The following KIF5C variants were observed in gnomAD, a reference collection of about 807,000 sequenced individuals.
KIF5C encodes the protein kinesin heavy chain isoform 5C.
KIF5C carries 18 observed loss-of-function variants against 125.2 expected under a neutral mutation model. The observed-to-expected ratio is 0.14, with a 90% CI of 0.10 to 0.21. The LOEUF is 0.21. Among genes scored for constraint, KIF5C ranks in the 10% least tolerant of loss-of-function variants. KIF5C has a pLI of 1.00. For missense variants in KIF5C, 780 were observed against 1,183.8 expected, an observed-to-expected ratio of 0.66 and a Z score of 5.01; for synonymous variants, 405 against 434.0, an observed-to-expected ratio of 0.93 and a Z score of 0.83.
In KIF5C at chr2:148,875,474, C is replaced by A; in HGVS notation, c.-144C>A. 1 of 666,112 alleles carries A rather than the reference C, an allele frequency of 1.5e-6. No individual in the cohort carries two copies. Among genetic ancestry groups the A allele is most frequent in the South Asian group, 1.9e-5 (1 of 52,068 alleles). The allele number at this position is 666,112 out of a possible 1,614,324, so 41.3% of individuals were successfully genotyped here. Reference sequence around the variant, plus strand: ...GGCCGGGGCTGCTCAGCCGGCCGGGCTCGCGATGACCTGCTGAGAAGCGTC... The same window carrying A: ...GGCCGGGGCTGCTCAGCCGGCCGGGATCGCGATGACCTGCTGAGAAGCGTC... On this transcript the variant is annotated 5_prime_UTR_variant, in exon 1 of 26. Transcript: ENST00000435030.
intron 24 of KIF5C, 79 bp downstream of exon 24, chr2:149,010,430 C>A: frequency 6.8e-7 from 1 of 1,465,734 alleles, no homozygotes. Context: ...AAGGTGAAGA[C>A]AGCGCTGGCC....
At chr2:148,968,425 T>C (rs572909006) in intron 11 of KIF5C, among the ~76,000 whole-genome samples, 1 of 152,354 alleles carries the variant, frequency 6.6e-6, no homozygotes, top group South Asian at 2.1e-4. Flanking sequence ...ATTTGCTCTT[T>C]TAGCATTAAA....
At chr2:148,913,857 T>C (rs190753511) in intron 1 of KIF5C, among the ~76,000 whole-genome samples, 3 of 152,112 alleles carry the variant, frequency 2.0e-5, no homozygotes, top group Admixed American at 6.5e-5. Context: ...TCCCATCCAG[T>C]GAAGAAGGTT....
chr2:148,945,647 C>T (rs1414067569), intron 7 of KIF5C, among the ~76,000 whole-genome samples: 1 of 152,028 alleles, frequency 6.6e-6, no homozygotes, highest in Admixed American at 6.6e-5. Context: ...TTTTGGTGCA[C>T]CTATCACCCG....
At chr2:148,949,040 C>T (rs1031946187) in intron 8 of KIF5C, among the ~76,000 whole-genome samples, 2 of 152,144 alleles carry the variant, frequency 1.3e-5, no homozygotes, top group African/African-American at 4.8e-5. Context: ...ATTGCTTCCC[C>T]ACTTCCTTTC....
At chr2:148,981,768 T>C (rs575138225) in intron 14 of KIF5C, among the ~76,000 whole-genome samples, 1 of 148,728 alleles carries the variant, frequency 6.7e-6, no homozygotes, top group Admixed American at 6.6e-5. Context: ...ATCATGACTG[T>C]TTTATATCCA....
intron 1 of KIF5C, among the ~76,000 whole-genome samples, chr2:148,893,861 G>T (rs1681770990): frequency 6.6e-6 from 1 of 152,240 alleles, no homozygotes; most frequent in East Asian, 1.9e-4. Context: ...GACTAAAGAA[G>T]CTGCCTACAT....
In KIF5C at chr2:149,023,129, T is replaced by C. The variant is rs1682584576; in HGVS notation, c.*59T>C. ...ACTACATTAATCACCAATTCCTTTATTTTTCCCCCCCTACAGTTTCCATTT... is the reference window on the plus strand; with the variant it reads ...ACTACATTAATCACCAATTCCTTTACTTTTCCCCCCCTACAGTTTCCATTT... On this transcript the variant is annotated 3_prime_UTR_variant, in exon 26 of 26. Coordinates refer to ENST00000435030, the MANE Select transcript of KIF5C (RefSeq NM_004522.3). 1 of 152,188 alleles carries C rather than the reference T, an allele frequency of 6.6e-6. No individual in the cohort carries two copies. The highest frequency in any genetic ancestry group is 2.4e-5 in the African/African-American group (1 of 41,448). 9.4% of individuals were successfully genotyped at this position (152,188 alleles called of 1,614,324 possible).
intron 10 of KIF5C, among the ~76,000 whole-genome samples, chr2:148,953,923 C>T (rs1033216755): frequency 1.3e-5 from 2 of 152,092 alleles, no homozygotes; most frequent in African/African-American, 4.8e-5. Flanking sequence ...GATACATGGG[C>T]AGAACATGCA....
intron 25 of KIF5C, among the ~76,000 whole-genome samples, chr2:149,012,947 G>A (rs1370298549): frequency 2.0e-5 from 3 of 152,222 alleles, no homozygotes; most frequent in African/African-American, 7.2e-5. Context: ...AGATCCAGCT[G>A]GGCAGCTTAG....
intron 15 of KIF5C, among the ~76,000 whole-genome samples, chr2:148,989,234 G>C (rs915193429): frequency 2.6e-5 from 4 of 152,034 alleles, no homozygotes; most frequent in African/African-American, 9.7e-5. Flanking sequence ...CCATTCTTGA[G>C]TTATTAATAC....
At chr2:148,914,466 T>G (rs894950262) in intron 1 of KIF5C, among the ~76,000 whole-genome samples, 1 of 152,268 alleles carries the variant, frequency 6.6e-6, no homozygotes, top group South Asian at 2.1e-4. Context: ...CTTTTGTAGC[T>G]GTCTGTGATC....
chr2:148,978,600 T>C (rs1681143751), intron 12 of KIF5C, among the ~76,000 whole-genome samples: 1 of 152,158 alleles, frequency 6.6e-6, no homozygotes, highest in Admixed American at 6.5e-5. Flanking sequence ...ACTGTTAGCA[T>C]CTTTGAATTG....
chr2:148,996,740 C>T (rs914233470), intron 17 of KIF5C, among the ~76,000 whole-genome samples: 11 of 152,278 alleles, frequency 7.2e-5, no homozygotes, highest in African/African-American at 2.4e-4. Context: ...TTCTGTTTCC[C>T]GTGTTCCCAT....
intron 23 of KIF5C, among the ~76,000 whole-genome samples, chr2:149,008,991 GT>G (rs200099380): frequency 0.048 from 6,493 of 134,238 alleles, 301 homozygotes; most frequent in African/African-American, 0.15. Context: ...TTTTTTTAAT[GT>G]TTTTTTTTTT....
chr2:148,917,638 G>A (rs993782588), intron 1 of KIF5C, among the ~76,000 whole-genome samples: 3 of 152,192 alleles, frequency 2.0e-5, no homozygotes, highest in African/African-American at 4.8e-5. Flanking sequence ...GTACTTTCAG[G>A]AATGAAATCA....
chr2:148,903,998 C>A (rs887509092), intron 1 of KIF5C, among the ~76,000 whole-genome samples: 2 of 152,132 alleles, frequency 1.3e-5, no homozygotes, highest in Non-Finnish European at 2.9e-5. Flanking sequence ...TACTGCTACT[C>A]GCCATAAAAT....
chr2:148,992,282 A>T (rs115664068), intron 16 of KIF5C, among the ~76,000 whole-genome samples: 1,723 of 152,354 alleles, frequency 0.011, 41 homozygotes, highest in African/African-American at 0.038. Flanking sequence ...TGATATATTC[A>T]TACATTGTTG....
intron 1 of KIF5C, among the ~76,000 whole-genome samples, chr2:148,877,674 C>G (rs946590679): frequency 3.9e-4 from 59 of 152,144 alleles, no homozygotes; most frequent in Non-Finnish European, 7.4e-4. Flanking sequence ...TCTGGCAACC[C>G]TATTTTTTTC....
Sources: gnomAD v4.1 joint callset for allele counts (sites outside exome capture counted in the v4.1 genomes callset) on GRCh38, gnomAD v4.1.1 for gene constraint, MANE v1.5 for transcripts, NCBI Gene and HGNC (gene_info 2026-07-23, HGNC 2026-07-21) for gene names.